Variants in PITPNM3 observed in about 807,000 individuals in gnomAD.
The protein encoded by PITPNM3 is PITPNM family member 3.
Under a neutral mutation model 102.0 loss-of-function variants are expected in PITPNM3, and 26 were observed. The observed-to-expected ratio is 0.25, with a 90% CI of 0.19 to 0.35. The LOEUF (loss-of-function observed/expected upper bound fraction) is 0.35, where lower values mean the gene tolerates loss of function less well. Among genes scored for constraint, PITPNM3 ranks in the 10% least tolerant of loss-of-function variants. The pLI, the probability that PITPNM3 is intolerant of heterozygous loss-of-function variation, is 1.00. For synonymous variants in PITPNM3, 578 were observed against 558.6 expected (o/e 1.03, Z -0.49); for missense variants, 1,083 against 1,346.1 (o/e 0.80, Z 3.06).
At position 6,517,189 on chromosome 17, in the gene PITPNM3, A is replaced by T. The variant is rs1908235843; in HGVS notation, c.226+8167T>A. Among the ~76,000 whole-genome samples the T allele has an allele frequency of 1.3e-5, 2 of 152,232 alleles. No homozygotes were observed. The highest frequency in any genetic ancestry group is 4.1e-4 in the South Asian group (2 of 4,836). ...GAAAAGAGAAAGTAAATCCAAGAAG[A>T]AGTCAGGAAATTGAGGAAGTAGCAG... On this transcript the variant is annotated intron_variant, in intron 3 of 19. Coordinates refer to ENST00000262483, the MANE Select transcript of PITPNM3 (RefSeq NM_031220.4). This position sits in a 1 kb window ranked among gnomAD's most constrained non-coding sequence, Gnocchi z 4.1.
At chr17:6,518,157 G>C (rs2150631658) in intron 3 of PITPNM3, among the ~76,000 whole-genome samples, 1 of 152,226 alleles carries the variant, frequency 6.6e-6, no homozygotes, top group South Asian at 2.1e-4. Flanking sequence ...GATCATAGTG[G>C]AATCAAATTG....
rs750929247 is a variant in PITPNM3, at chr17:6,451,873, A to ACCCCCCCC, written c.*3457_*3464dup. The ACCCCCCCC allele has an allele frequency of 2.3e-5, 1 of 43,940 alleles. No homozygotes were observed. The highest frequency in any genetic ancestry group is 7.1e-4 in the East Asian group (1 of 1,402). 2.7% of individuals were successfully genotyped at this position (43,940 alleles called of 1,614,324 possible). On this transcript the variant is annotated 3_prime_UTR_variant, in exon 20 of 20. Coordinates refer to ENST00000262483, the MANE Select transcript of PITPNM3 (RefSeq NM_031220.4). ...GGTTTCCAGGGCACTTGGCACCCAA[A>ACCCCCCCC]CCCCCCCCCCCCGCCCGCCGATGGG...
rs1051307635 is a variant in PITPNM3 at position 6,538,074 on chromosome 17, G to GA, written c.30dup (p.Pro11SerfsTer16). 6.2e-7 allele frequency: 1 copy of GA among 1,609,516 alleles called. No homozygotes were observed. The highest frequency in any genetic ancestry group is 8.5e-7 in the Non-Finnish European group (1 of 1,176,082). The stretch of plus-strand genomic sequence containing the variant: ...TGCCAGGGGGCACCGCCGCCCGGGG[G>GA]AGGACCACCTGTTAAAGGGAACACA... On this transcript the variant is annotated frameshift_variant, in exon 2 of 20. Coordinates refer to ENST00000262483, the MANE Select transcript of PITPNM3 (RefSeq NM_031220.4). LOFTEE classifies it high-confidence loss of function.
intron 1 of PITPNM3, among the ~76,000 whole-genome samples, chr17:6,541,523 C>G (rs1450254710): frequency 6.6e-6 from 1 of 152,002 alleles, no homozygotes; most frequent in Non-Finnish European, 1.5e-5. Context: ...TAGGGTAGGA[C>G]CTGTCATGGA....
Position 6,464,232 on chromosome 17 carries a change from T to A in PITPNM3, c.2094A>T (p.Thr698=). 6.2e-7 allele frequency: 1 copy of A among 1,614,140 alleles called. No homozygotes were observed. The highest frequency in any genetic ancestry group is 8.5e-7 in the Non-Finnish European group (1 of 1,180,024). The change falls in exon 16 of 20, where the codon ACA becomes ACT. Residue 698 remains threonine, a synonymous_variant. Coordinates refer to ENST00000262483, the MANE Select transcript of PITPNM3 (RefSeq NM_031220.4). ...TEITNSSGRI[T]YNVPRPRRLG... is the part of the protein sequence containing the mutation. ...GGCGCCGGGGCCGCGGCACATTGTATGTGATGCGACCACTGCTGTTGGTGA... is the reference window on the plus strand; with the variant it reads ...GGCGCCGGGGCCGCGGCACATTGTAAGTGATGCGACCACTGCTGTTGGTGA...
chr17:6,463,676 G>C, intron 17 of PITPNM3, 56 bp downstream of exon 17: 2 of 1,588,862 alleles, frequency 1.3e-6, no homozygotes, highest in Non-Finnish European at 1.7e-6. Context: ...TTTCCCCCAG[G>C]GCTGCTGGCT....
At chr17:6,554,982 C>CA (rs1465740584) in intron 1 of PITPNM3, among the ~76,000 whole-genome samples, 3 of 152,264 alleles carry the variant, frequency 2.0e-5, no homozygotes, top group African/African-American at 7.2e-5. Flanking sequence ...CACACACACT[C>CA]ACACACACAC....
Position 6,473,788 on chromosome 17 carries a change from C to G in PITPNM3, c.1258+644G>C, listed in dbSNP as rs759376383. ...GGTCAGGAGTTCGAGACCAGCCTGG[C>G]CAACATGGTGAAACTCCATCTCTAC... On this transcript the variant is annotated intron_variant, in intron 10 of 19. Transcript: ENST00000262483. 8.9e-4 allele frequency among the ~76,000 whole-genome samples: 135 copies of G among 152,006 alleles called. 1 individual carries two copies. The highest frequency in any genetic ancestry group is 3.1e-3 in the Admixed American group (47 of 15,258).
Position 6,459,285 on chromosome 17 carries a change from C to G in PITPNM3, c.2491-1563G>C, listed in dbSNP as rs1904339285. ...TTGTCTACTAGGCAGTTCTCAGCAT[C>G]CCACACCCTCGGCAAAAGGGGCGCT... On this transcript the variant is annotated intron_variant, in intron 18 of 19. Transcript: ENST00000262483. The surrounding 1 kb of genome is among the most constrained non-coding windows in gnomAD (Gnocchi z 5.0). Among the ~76,000 whole-genome samples, 1 of 152,162 alleles carries G rather than the reference C, an allele frequency of 6.6e-6. No individual in the cohort carries two copies. Among genetic ancestry groups the G allele is most frequent in the Non-Finnish European group, 1.5e-5 (1 of 68,048 alleles).
intron 3 of PITPNM3, among the ~76,000 whole-genome samples, chr17:6,516,432 C>T (rs561842430): frequency 1.9e-3 from 287 of 151,524 alleles, no homozygotes; most frequent in African/African-American, 6.8e-3. Flanking sequence ...GGCGTGGTGG[C>T]GGGCACCTGT....
intron 1 of PITPNM3, among the ~76,000 whole-genome samples, chr17:6,545,502 C>T (rs1909974706): frequency 6.6e-6 from 1 of 152,140 alleles, no homozygotes; most frequent in Non-Finnish European, 1.5e-5. Flanking sequence ...TGTCTGCTCC[C>T]TAAACTTGAA....
Position 6,469,499 on chromosome 17 carries a change from CT to C in PITPNM3, c.1773+760del, listed in dbSNP as rs1904952488. On this transcript the variant is annotated intron_variant, in intron 13 of 19. Coordinates refer to ENST00000262483, the MANE Select transcript of PITPNM3 (RefSeq NM_031220.4). The surrounding 1 kb of genome is among the most constrained non-coding windows in gnomAD (Gnocchi z 4.0). ...CCGCACGTGCAGGACACAGAACCAC[CT>C]TAGTCACTCAAGTGGGAAACAGGAC... 6.6e-6 allele frequency among the ~76,000 whole-genome samples: 1 copy of C among 152,114 alleles called. No homozygotes were observed. Among genetic ancestry groups the C allele is most frequent in the African/African-American group, 2.4e-5 (1 of 41,422 alleles).
chr17:6,498,500 G>T (rs575600875), intron 4 of PITPNM3, among the ~76,000 whole-genome samples: 3 of 152,210 alleles, frequency 2.0e-5, no homozygotes, highest in African/African-American at 7.2e-5. Flanking sequence ...TCTCTGACAC[G>T]CTGAAGGGAG....
chr17:6,464,240 G>T lies in PITPNM3; in HGVS notation c.2086C>A (p.Arg696Ser). ...GGCCGCGGCACATTGTATGTGATGC[G>T]ACCACTGCTGTTGGTGATCTCTGTG... is the stretch of plus-strand genomic sequence containing the variant. ...LDTEITNSSG[R>S]ITYNVPRPRR... The change falls in exon 16 of 20, where the codon CGC (arginine) becomes AGC (serine). Residue 696 changes from arginine (R) to serine (S), a missense_variant. By Grantham distance (110) the Arg-to-Ser change is moderately radical. Around this residue, in one of 5 missense-constraint regions of PITPNM3, gnomAD observed 410 missense variants for 638.4 expected, o/e 0.64. Coordinates refer to ENST00000262483, the MANE Select transcript of PITPNM3 (RefSeq NM_031220.4). 6.2e-7 allele frequency: 1 copy of T among 1,614,148 alleles called. No homozygotes were observed. The highest frequency in any genetic ancestry group is 1.1e-5 in the South Asian group (1 of 91,070).
In PITPNM3 at chr17:6,477,831, C is replaced by T. The variant is rs189988798; in HGVS notation, c.900+144G>A. On this transcript the variant is annotated intron_variant, in intron 8 of 19. Coordinates refer to ENST00000262483, the MANE Select transcript of PITPNM3 (RefSeq NM_031220.4). The stretch of plus-strand genomic sequence containing the variant: ...AAAGTGCTGGGATTACAGGCATGAG[C>T]CACTGCGCCCAGCTGGATTATGATA... 2,521 of 1,419,660 alleles carry T rather than the reference C, an allele frequency of 1.8e-3. 9 individuals are homozygous for T. Among genetic ancestry groups the T allele is most frequent in the South Asian group, 7.3e-3 (602 of 81,946 alleles). The allele number at this position is 1,419,660 out of a possible 1,614,324, so 87.9% of individuals were successfully genotyped here. A position where few individuals can be genotyped will look rare whatever the true frequency, so the allele number is the denominator to read the frequency against.
chr17:6,469,788 G>A lies in PITPNM3; in HGVS notation c.1773+472C>T, dbSNP rs968140549. Reference sequence around the variant, plus strand: ...GCTCACAGCCCTGCAATGGCTTCCCGTTGAACCCAATATAAAACCATACCC... The same window carrying A: ...GCTCACAGCCCTGCAATGGCTTCCCATTGAACCCAATATAAAACCATACCC... On this transcript the variant is annotated intron_variant, in intron 13 of 19. Transcript: ENST00000262483. The surrounding 1 kb of genome is among the most constrained non-coding windows in gnomAD (Gnocchi z 4.0). Among the ~76,000 whole-genome samples, 6 of 152,132 alleles carry A rather than the reference G, an allele frequency of 3.9e-5. No homozygotes were observed. Among genetic ancestry groups the A allele is most frequent in the African/African-American group, 9.7e-5 (4 of 41,432 alleles).
In PITPNM3 at chr17:6,472,706, C is replaced by T. The variant is rs2150726741; in HGVS notation, c.1380G>A (p.Val460=). The T allele has an allele frequency of 1.2e-6, 2 of 1,613,996 alleles. No individual in the cohort carries two copies. Among genetic ancestry groups the T allele is most frequent in the South Asian group, 1.1e-5 (1 of 91,068 alleles). Residue 460 remains valine (V), a synonymous_variant, in exon 11 of 20, where the codon GTG becomes GTA. Coordinates refer to ENST00000262483, the MANE Select transcript of PITPNM3 (RefSeq NM_031220.4). This position sits in a 1 kb window ranked among gnomAD's most constrained non-coding sequence, Gnocchi z 4.1. ...PKFHLVPPVS[V]PRYQRFPLGD... is the part of the protein sequence containing the mutation. ...CCAGTGGGAACCTCTGGTAGCGAGGCACGCTGACAGGCGGCACCAGGTGGA... is the reference window on the plus strand; with the variant it reads ...CCAGTGGGAACCTCTGGTAGCGAGGTACGCTGACAGGCGGCACCAGGTGGA...
intron 19 of PITPNM3, among the ~76,000 whole-genome samples, chr17:6,455,900 G>A (rs962138219): frequency 6.6e-6 from 1 of 151,712 alleles, no homozygotes; most frequent in Admixed American, 6.6e-5. Flanking sequence ...AAGGAACCCT[G>A]GGGAAGTCGG....
At chr17:6,511,292 G>A (rs775858810) in intron 3 of PITPNM3, among the ~76,000 whole-genome samples, 14 of 152,330 alleles carry the variant, frequency 9.2e-5, no homozygotes, top group South Asian at 4.1e-4. Context: ...TAGAAGTGTC[G>A]TGGTAGGATT....
Sources: gnomAD v4.1 joint callset for allele counts (sites outside exome capture counted in the v4.1 genomes callset) on GRCh38, gnomAD v4.1.1 for gene constraint, gnomAD v4.1.1 regional missense constraint, Gnocchi (gnomAD v3.1) non-coding constraint, MANE v1.5 for transcripts, NCBI Gene and HGNC (gene_info 2026-07-23, HGNC 2026-07-21) for gene names.